LINGO2: variants seen among roughly 807,000 people sequenced by gnomAD.
LINGO2 encodes the protein leucine-rich repeat and immunoglobulin-like domain-containing nogo receptor-interacting protein 2.
LINGO2 carries 14 observed loss-of-function variants against 30.6 expected under a neutral mutation model. That is an observed-to-expected ratio of 0.46 (90% CI 0.30 to 0.72). The LOEUF (loss-of-function observed/expected upper bound fraction) is 0.72, where lower values mean the gene tolerates loss of function less well. Ranked by LOEUF, LINGO2 falls within the 30% of genes least tolerant of loss-of-function variation. The probability of loss-of-function intolerance (pLI) is 0.07; values close to 1 mark genes in which losing one functional copy is unlikely to be tolerated. For missense variants in LINGO2, 729 were observed against 751.7 expected (o/e 0.97, Z 0.35); for synonymous variants, 317 against 288.5 (o/e 1.10, Z -1.00).
chr9:27,938,144 TTAA>T, the LINGO2 span: 99 of 82,304 alleles, frequency 1.2e-3, no homozygotes, highest in African/African-American at 3.3e-3. Flanking sequence ...TAAAATTAAT[TTAA>T]TAATTTTTCC....
chr9:28,015,756 C>A (rs377069099), intron 4 of LINGO2, among the ~76,000 whole-genome samples: 9 of 151,320 alleles, frequency 5.9e-5, no homozygotes, highest in African/African-American at 2.2e-4. Flanking sequence ...ACCCTCAAAA[C>A]AACCTGAGAC....
intron 4 of LINGO2, among the ~76,000 whole-genome samples, chr9:28,045,102 A>AC (rs935451483): frequency 6.6e-6 from 1 of 151,612 alleles, no homozygotes; most frequent in Admixed American, 6.6e-5. Flanking sequence ...AAAAATTGAG[A>AC]CTTTTTCCCC....
At chr9:28,387,299 A>G (rs1410163671) in intron 2 of LINGO2, among the ~76,000 whole-genome samples, 1 of 152,100 alleles carries the variant, frequency 6.6e-6, no homozygotes, top group East Asian at 1.9e-4. Flanking sequence ...TAAATGCACC[A>G]ATCAGCACTA....
chr9:28,959,612 T>TCTCTCTCTCTCA, the LINGO2 span, among the ~76,000 whole-genome samples: 1 of 132,160 alleles, frequency 7.6e-6, no homozygotes, highest in African/African-American at 3.2e-5. Flanking sequence ...TCTCTCTCCC[T>TCTCTCTCTCTCA]CACACACACA....
the LINGO2 span, among the ~76,000 whole-genome samples, chr9:29,066,015 TA>T: frequency 6.6e-6 from 1 of 151,890 alleles, no homozygotes; most frequent in Non-Finnish European, 1.5e-5. Flanking sequence ...GGAGCTGAAT[TA>T]AAGCTACTTC....
the LINGO2 span, among the ~76,000 whole-genome samples, chr9:28,948,235 G>C: frequency 0.16 from 24,916 of 151,940 alleles, 2,068 homozygotes; most frequent in South Asian, 0.2. Context: ...CAGTGTGTTA[G>C]AGAAAGAAAA....
At chr9:28,489,820 C>T (rs1261816687) in intron 1 of LINGO2, among the ~76,000 whole-genome samples, 1 of 147,300 alleles carries the variant, frequency 6.8e-6, no homozygotes, top group Non-Finnish European at 1.5e-5. Context: ...ATCACTTGAA[C>T]CAGGGAGTCA....
At chr9:28,688,278 A>G in the LINGO2 span, among the ~76,000 whole-genome samples, 1 of 152,178 alleles carries the variant, frequency 6.6e-6, no homozygotes, top group Non-Finnish European at 1.5e-5. Context: ...TTGTCATGAC[A>G]AAAGAGAACA....
chr9:28,375,360 G>C (rs894791852), intron 2 of LINGO2, among the ~76,000 whole-genome samples: 1 of 152,224 alleles, frequency 6.6e-6, no homozygotes, highest in Admixed American at 6.5e-5. Context: ...AGAAGGAGCA[G>C]TAACTCATTT....
intron 4 of LINGO2, among the ~76,000 whole-genome samples, chr9:28,258,284 G>C (rs1395248871): frequency 1.3e-5 from 2 of 151,724 alleles, no homozygotes; most frequent in African/African-American, 4.8e-5. Flanking sequence ...AGGGTCATAG[G>C]AGAGGAGAAA....
intron 1 of LINGO2, among the ~76,000 whole-genome samples, chr9:28,564,453 T>G (rs1214294663): frequency 1.3e-5 from 2 of 152,084 alleles, no homozygotes; most frequent in Non-Finnish European, 2.9e-5. Flanking sequence ...CCTACCTCTA[T>G]CTTAGATTAC....
the LINGO2 span, among the ~76,000 whole-genome samples, chr9:29,027,740 C>G: frequency 6.6e-6 from 1 of 152,124 alleles, no homozygotes; most frequent in Non-Finnish European, 1.5e-5. Flanking sequence ...AGGAAATAAG[C>G]TTTTATGTCA....
chr9:28,293,309 G>A (rs544956905), intron 4 of LINGO2, among the ~76,000 whole-genome samples: 23 of 151,978 alleles, frequency 1.5e-4, no homozygotes, highest in Admixed American at 1.5e-3. Context: ...TGTTGTCCAG[G>A]ATGATCTCAA....
chr9:28,093,297 C>A (rs765424769), intron 4 of LINGO2, among the ~76,000 whole-genome samples: 1 of 152,020 alleles, frequency 6.6e-6, no homozygotes, highest in African/African-American at 2.4e-5. Flanking sequence ...AAAAAAAATC[C>A]CTGGTCATTA....
the LINGO2 span, chr9:27,940,308 CG>C: frequency 2.0e-5 from 3 of 152,046 alleles, no homozygotes; most frequent in African/African-American, 7.2e-5. Context: ...CTGTAATAAG[CG>C]ATCTCCTTCC....
chr9:28,714,178 T>TATATATACATAC, the LINGO2 span, among the ~76,000 whole-genome samples: 8 of 90,428 alleles, frequency 8.8e-5, no homozygotes, highest in African/African-American at 5.1e-4. Flanking sequence ...TATATATATA[T>TATATATACATAC]ATATATATAT....
intron 4 of LINGO2, among the ~76,000 whole-genome samples, chr9:28,234,305 C>T (rs1821478743): frequency 6.6e-6 from 1 of 152,152 alleles, no homozygotes; most frequent in African/African-American, 2.4e-5. Flanking sequence ...GGCAGAACCC[C>T]CGGGGACTGG....
At chr9:28,428,155 C>T (rs1427759657) in intron 2 of LINGO2, among the ~76,000 whole-genome samples, 1 of 152,100 alleles carries the variant, frequency 6.6e-6, no homozygotes, top group African/African-American at 2.4e-5. Context: ...CCATGTATCA[C>T]TCCTTAATTT....
At chr9:29,143,202 T>C in the LINGO2 span, among the ~76,000 whole-genome samples, 2 of 152,104 alleles carry the variant, frequency 1.3e-5, no homozygotes, top group African/African-American at 2.4e-5. Context: ...ATCTAGTGTT[T>C]ATGGATGGGA....
Sources: allele counts gnomAD v4.1 joint callset (sites outside exome capture counted in the v4.1 genomes callset), GRCh38; gene constraint gnomAD v4.1.1; transcripts MANE v1.5; gene names NCBI Gene and HGNC (gene_info 2026-07-23, HGNC 2026-07-21).